PARD3: variants seen among roughly 807,000 people sequenced by gnomAD.
PARD3 encodes partitioning defective 3 homolog.
A neutral mutation model predicts 155.4 loss-of-function variants in PARD3; 75 were observed. The observed-to-expected ratio is 0.48, with a 90% CI of 0.40 to 0.58. The LOEUF (loss-of-function observed/expected upper bound fraction) is 0.58. Among genes scored for constraint, PARD3 ranks in the 20% least tolerant of loss-of-function variants. The pLI, the probability that PARD3 is intolerant of heterozygous loss-of-function variation, is 0.00. For synonymous variants in PARD3, 576 were observed against 610.5 expected, an observed-to-expected ratio of 0.94 and a Z score of 0.83; for missense variants, 1,642 against 1,721.7, an observed-to-expected ratio of 0.95 and a Z score of 0.82.
At chr10:34,599,741 T>A (rs1379034905) in intron 2 of PARD3, among the ~76,000 whole-genome samples, 1 of 152,232 alleles carries the variant, frequency 6.6e-6, no homozygotes, top group Non-Finnish European at 1.5e-5. Context: ...TCACAGACAG[T>A]AAGACCCACA....
chr10:34,131,994 A>T (rs2132780977), intron 22 of PARD3, among the ~76,000 whole-genome samples: 1 of 152,280 alleles, frequency 6.6e-6, no homozygotes, highest in South Asian at 2.1e-4. Flanking sequence ...GAAGTTTTTT[A>T]AATATATGAA....
chr10:34,504,088 A>C (rs1589805474), intron 3 of PARD3, among the ~76,000 whole-genome samples: 1 of 152,048 alleles, frequency 6.6e-6, no homozygotes, highest in African/African-American at 2.4e-5. Context: ...TGCTCACTGC[A>C]CTTCCACATT....
chr10:34,127,895 T>C lies in PARD3; in HGVS notation c.3540+3568A>G, dbSNP rs114122652. 6.4e-3 allele frequency among the ~76,000 whole-genome samples: 973 copies of C among 152,314 alleles called. 11 individuals carry two copies. Among genetic ancestry groups the C allele is most frequent in the African/African-American group, 0.022 (899 of 41,574 alleles). ...TTTCAAGAAATGTAGTAGGAATGGA[T>C]TGAGTCAATTATGCCAAACAATATA... is the stretch of plus-strand genomic sequence containing the variant. On this transcript the variant is annotated intron_variant, in intron 23 of 24. Coordinates refer to ENST00000374788, the MANE Select transcript of PARD3 (RefSeq NM_001184785.2).
chr10:34,545,880 C>T (rs897011722), intron 2 of PARD3, among the ~76,000 whole-genome samples: 1 of 152,062 alleles, frequency 6.6e-6, no homozygotes, highest in Non-Finnish European at 1.5e-5. Context: ...TTAATTAAAA[C>T]CTATGTAGTT....
intron 2 of PARD3, among the ~76,000 whole-genome samples, chr10:34,535,992 GT>G (rs1007526641): frequency 3.9e-5 from 6 of 152,046 alleles, no homozygotes. Context: ...TATTAATAGT[GT>G]TGTTAAAAAA....
At chr10:34,355,942 A>C (rs111909489) in intron 14 of PARD3, among the ~76,000 whole-genome samples, 1,353 of 129,634 alleles carry the variant, frequency 0.01, 50 homozygotes, top group African/African-American at 0.044. Flanking sequence ...AAAAAAAAAA[A>C]AAAACAAAAC....
At chr10:34,795,753 G>C (rs1467121396) in intron 1 of PARD3, among the ~76,000 whole-genome samples, 2 of 152,106 alleles carry the variant, frequency 1.3e-5, no homozygotes, top group African/African-American at 4.8e-5. Context: ...AATCAGTCAG[G>C]CGTGGTGGTG....
intron 22 of PARD3, among the ~76,000 whole-genome samples, chr10:34,153,300 C>T (rs1948861796): frequency 6.6e-6 from 1 of 152,160 alleles, no homozygotes; most frequent in African/African-American, 2.4e-5. Context: ...GTGTGAGATA[C>T]TGCGCCTGTC....
intron 2 of PARD3, among the ~76,000 whole-genome samples, chr10:34,678,032 T>A (rs950486083): frequency 4.6e-5 from 7 of 152,108 alleles, no homozygotes; most frequent in African/African-American, 1.7e-4. Flanking sequence ...CTTCAAAGAA[T>A]TCTTTTTAAA....
At chr10:34,152,061 T>C (rs1240539406) in intron 22 of PARD3, among the ~76,000 whole-genome samples, 3 of 152,192 alleles carry the variant, frequency 2.0e-5, no homozygotes, top group Non-Finnish European at 2.9e-5. Flanking sequence ...GCAGAGGTCT[T>C]AGATCCGAGT....
At chr10:34,247,425 C>A (rs1954026554) in intron 22 of PARD3, among the ~76,000 whole-genome samples, 2 of 152,068 alleles carry the variant, frequency 1.3e-5, no homozygotes, top group Non-Finnish European at 2.9e-5. Context: ...TTGCTTGAAC[C>A]TGGGAGGCGG....
At chr10:34,370,294 A>G (rs1312416023) in intron 12 of PARD3, among the ~76,000 whole-genome samples, 1 of 152,206 alleles carries the variant, frequency 6.6e-6, no homozygotes, top group Non-Finnish European at 1.5e-5. Flanking sequence ...TCATGCTACC[A>G]TAAACACACA....
intron 2 of PARD3, among the ~76,000 whole-genome samples, chr10:34,657,943 G>A (rs984464080): frequency 1.3e-5 from 2 of 151,992 alleles, no homozygotes; most frequent in Admixed American, 6.6e-5. Flanking sequence ...TCAGGAGATC[G>A]AGACTGTCCT....
chr10:34,502,949 A>T (rs2080815183), intron 3 of PARD3, among the ~76,000 whole-genome samples: 1 of 152,124 alleles, frequency 6.6e-6, no homozygotes, highest in Non-Finnish European at 1.5e-5. Context: ...CTCATAAGGG[A>T]TCCAACTGAA....
intron 2 of PARD3, among the ~76,000 whole-genome samples, chr10:34,674,717 C>T (rs1212644608): frequency 6.6e-6 from 1 of 152,034 alleles, no homozygotes; most frequent in Non-Finnish European, 1.5e-5. Flanking sequence ...GAACTCCTGA[C>T]CTAAGGTGAT....
chr10:34,217,072 G>C (rs1952035340), intron 22 of PARD3, among the ~76,000 whole-genome samples: 1 of 152,056 alleles, frequency 6.6e-6, no homozygotes, highest in Non-Finnish European at 1.5e-5. Context: ...CTTCTTCCTT[G>C]GAATAGTGTG....
intron 22 of PARD3, among the ~76,000 whole-genome samples, chr10:34,261,841 CAA>C (rs1491479229): frequency 2.6e-4 from 36 of 138,580 alleles, no homozygotes; most frequent in Admixed American, 9.9e-4. Flanking sequence ...AACAAACAAA[CAA>C]ACACACACAC....
At chr10:34,810,063 CAA>C (rs1178059835) in intron 1 of PARD3, among the ~76,000 whole-genome samples, 3 of 152,106 alleles carry the variant, frequency 2.0e-5, no homozygotes, top group Admixed American at 1.3e-4. Flanking sequence ...AGCACATTTT[CAA>C]AAGTTTCTGT....
At chr10:34,418,365 G>T (rs1489685919) in intron 5 of PARD3, among the ~76,000 whole-genome samples, 4 of 152,002 alleles carry the variant, frequency 2.6e-5, no homozygotes, top group Non-Finnish European at 5.9e-5. Context: ...CTAGAGATGG[G>T]GTTTCTCCAT....
Sources: gnomAD v4.1 joint callset for allele counts (sites outside exome capture counted in the v4.1 genomes callset) on GRCh38, gnomAD v4.1.1 for gene constraint, MANE v1.5 for transcripts, NCBI Gene and HGNC (gene_info 2026-07-23, HGNC 2026-07-21) for gene names.